The following MATK variants were observed in gnomAD, a reference collection of about 807,000 sequenced individuals.
The protein encoded by MATK is megakaryocyte-associated tyrosine-protein kinase.
Under a neutral mutation model 59.8 loss-of-function variants are expected in MATK, and 41 were observed. That is an observed-to-expected ratio of 0.69 (90% CI 0.53 to 0.89). MATK has a LOEUF of 0.89. MATK is among the 40% of genes least tolerant of loss of function. MATK has a pLI of 0.00. For synonymous variants in MATK, 308 were observed against 306.1 expected, an observed-to-expected ratio of 1.01 and a Z score of -0.06; for missense variants, 593 against 719.6, an observed-to-expected ratio of 0.82 and a Z score of 2.01.
At position 3,784,182 on chromosome 19, in the gene MATK, C is replaced by G. The variant is rs2037444496; in HGVS notation, c.304G>C (p.Ala102Pro). 1.2e-6 allele frequency: 2 copies of G among 1,613,468 alleles called. No homozygotes were observed. Among genetic ancestry groups the G allele is most frequent in the Middle Eastern group, 1.6e-4 (1 of 6,082 alleles). ...HTSGQEGLLA[A>P]GALREREALS... is the part of the protein sequence containing the mutation. The stretch of plus-strand genomic sequence containing the variant: ...GCCTCCCGCTCCCGCAGCGCCCCAG[C>G]TGCCAGCAGCCCCTCCTGTCCACTG... Residue 102 changes from alanine (A) to proline (P), a missense_variant, in exon 5 of 14, where the codon GCT becomes CCT. Coordinates refer to ENST00000310132, the MANE Select transcript of MATK (RefSeq NM_139355.3).
intron 1 of MATK, among the ~76,000 whole-genome samples, chr19:3,797,225 T>C (rs2037603444): frequency 1.6e-5 from 2 of 121,558 alleles, no homozygotes; most frequent in African/African-American, 2.7e-5. Context: ...TTTTCTTGCC[T>C]ACCTTCCCCC....
rs1005970819 is a variant in MATK at position 3,779,295 on chromosome 19, C to T, written c.1001+83G>A. ...ACAAGCTCACAAAGCCTCCCTGCCC[C>T]GTGCCTCAGTTTCCCCTTGATGGAT... On this transcript the variant is annotated intron_variant, in intron 11 of 13. Transcript: ENST00000310132. The T allele has an allele frequency of 8.3e-6, 13 of 1,574,800 alleles. No homozygotes were observed. In the African/African-American group the frequency reaches 1.2e-4, roughly 15 times the overall value.
rs1427473252 is a variant in MATK, at chr19:3,783,795, G to T, written c.582+19C>A. On this transcript the variant is annotated intron_variant, in intron 6 of 13. Coordinates refer to ENST00000310132, the MANE Select transcript of MATK (RefSeq NM_139355.3). The stretch of plus-strand genomic sequence containing the variant: ...CTGCCCCACTGCAGGGACGGGGTGG[G>T]GCCTCTGGGTGGCAGCACCTCCACC... 1.2e-6 allele frequency: 2 copies of T among 1,604,958 alleles called. No homozygotes were observed.
At chr19:3,783,027 G>T in intron 7 of MATK, 99 bp downstream of exon 7, 1 of 1,058,200 alleles carries the variant, frequency 9.5e-7, no homozygotes, top group Non-Finnish European at 1.4e-6. Flanking sequence ...GACAGGCTTG[G>T]GTGATCTGGC....
At chr19:3,782,947 A>T (rs2037421273) in intron 7 of MATK, 179 bp downstream of exon 7, 1 of 596,904 alleles carries the variant, frequency 1.7e-6, no homozygotes. Flanking sequence ...CCTATTGAAT[A>T]AAGGACTGAT....
chr19:3,783,405 T>TG (rs1279046111), intron 6 of MATK, 186 bp from the exon 7 acceptor site: 3 of 608,830 alleles, frequency 4.9e-6, no homozygotes, highest in Non-Finnish European at 5.8e-6. Context: ...GGTATCAACT[T>TG]GGGGGGTCCT....
intron 1 of MATK, among the ~76,000 whole-genome samples, chr19:3,794,248 G>A (rs550413242): frequency 2.0e-5 from 3 of 152,228 alleles, no homozygotes; most frequent in Non-Finnish European, 4.4e-5. Flanking sequence ...TGCTTCCCAC[G>A]ACAGAATATA....
chr19:3,796,237 T>C (rs1364006079), intron 1 of MATK, among the ~76,000 whole-genome samples: 3 of 152,172 alleles, frequency 2.0e-5, no homozygotes, highest in African/African-American at 7.2e-5. Flanking sequence ...ATAGGGTGTT[T>C]TACTGTGTGC....
chr19:3,779,175 C>A lies in MATK; in HGVS notation c.1014G>T (p.Glu338Asp), dbSNP rs767064322. The change falls in exon 12 of 14, where the codon GAG becomes GAT. Residue 338 changes from glutamate to aspartate, a missense_variant. Transcript: ENST00000310132. ...TCTTGCTCTCCAGGTACTCCATGCC[C>A]TCGGCCACGTGCCTGGGGGTAGTAG... is the stretch of plus-strand genomic sequence containing the variant. ...QLLQFSLHVA[E>D]GMEYLESKKL... 5.0e-6 allele frequency: 8 copies of A among 1,591,434 alleles called. No homozygotes were observed. Among genetic ancestry groups the A allele is most frequent in the Non-Finnish European group, 5.1e-6 (6 of 1,168,114 alleles).
rs1452388596 is a variant in MATK at position 3,784,912 on chromosome 19, A to T, written c.73-28T>A. ...GGGGAGGGGACAGAGTCCAGGTGGG[A>T]GCTGGGCTGGGACCCACGGTCCAGT... On this transcript the variant is annotated intron_variant, in intron 2 of 13. Coordinates refer to ENST00000310132, the MANE Select transcript of MATK (RefSeq NM_139355.3). 7.4e-6 allele frequency: 11 copies of T among 1,483,604 alleles called. No homozygotes were observed. In the East Asian group the frequency reaches 2.2e-4, roughly 30 times the overall value. The allele number at this position is 1,483,604 out of a possible 1,614,324, so 91.9% of individuals were successfully genotyped here. A position where few individuals can be genotyped will look rare whatever the true frequency, so the allele number is the denominator to read the frequency against.
At chr19:3,793,574 T>C (rs902952993) in intron 1 of MATK, among the ~76,000 whole-genome samples, 75 of 152,078 alleles carry the variant, frequency 4.9e-4, no homozygotes, top group South Asian at 4.1e-4. Flanking sequence ...TGGTGGCGGG[T>C]GCCTGTAGTC....
chr19:3,782,876 G>A (rs12979915), intron 7 of MATK: 3 of 513,924 alleles, frequency 5.8e-6, no homozygotes, highest in East Asian at 6.9e-5. Context: ...GTGGAGGTTC[G>A]GGGCCAGGTT....
chr19:3,791,792 A>G (rs1156438611), intron 1 of MATK, among the ~76,000 whole-genome samples: 1 of 152,036 alleles, frequency 6.6e-6, no homozygotes, highest in Non-Finnish European at 1.5e-5. Context: ...GATCACTGAG[A>G]CCAGTCTTCT....
rs1448818814 is a variant in MATK, at chr19:3,784,389, C to T, written c.195G>A (p.Gly65=). 6.2e-7 allele frequency: 1 copy of T among 1,609,420 alleles called. No individual in the cohort carries two copies. Among genetic ancestry groups the T allele is most frequent in the South Asian group, 1.1e-5 (1 of 90,716 alleles). Reference sequence around the variant, plus strand: ...CGTCGCCCTTGCGGAAGGCCAGCTCCCCTGGCTTGGGGCGGGTGTGCTCGC... The same window carrying T: ...CGTCGCCCTTGCGGAAGGCCAGCTCTCCTGGCTTGGGGCGGGTGTGCTCGC... The part of the protein sequence containing the change: ...TKCEHTRPKP[G]ELAFRKGDVV... The change falls in exon 4 of 14, where the codon GGG becomes GGA. Residue 65 remains glycine (G), a synonymous_variant. Coordinates refer to ENST00000310132, the MANE Select transcript of MATK (RefSeq NM_139355.3).
At chr19:3,797,015 C>G (rs1383911848) in intron 1 of MATK, among the ~76,000 whole-genome samples, 1 of 152,084 alleles carries the variant, frequency 6.6e-6, no homozygotes, top group African/African-American at 2.4e-5. Flanking sequence ...TCCCTACATC[C>G]TGCACTTTCA....
At chr19:3,786,986 G>GGGGGCCCCACCCGCTTTC (rs1599203075), upstream of MATK, among the ~76,000 whole-genome samples, 1 of 152,034 alleles carries the variant, frequency 6.6e-6, no homozygotes, top group Non-Finnish European at 1.5e-5. This position sits in a 1 kb window ranked among gnomAD's most constrained non-coding sequence, Gnocchi z 4.1. Flanking sequence ...TATGGAGGGT[G>GGGGGCCCCACCCGCTTTC]GGGGCCCCAC....
At chr19:3,791,355 T>A (rs1400427695), upstream of MATK, among the ~76,000 whole-genome samples, 1 of 151,512 alleles carries the variant, frequency 6.6e-6, no homozygotes, top group East Asian at 1.9e-4. Flanking sequence ...CCCCCACTTT[T>A]TTTTTTTTGA....
At chr19:3,783,657 G>A (rs940785185) in intron 6 of MATK, among the ~76,000 whole-genome samples, 157 bp downstream of exon 6, 10 of 152,046 alleles carry the variant, frequency 6.6e-5, no homozygotes, top group African/African-American at 2.4e-4. Context: ...AGGGGGTCCC[G>A]GGTGATCAGC....
In MATK at chr19:3,783,141, C is replaced by A. The variant is rs765853332; in HGVS notation, c.661G>T (p.Glu221Ter). ...CGTCCCCTACCCCTGGCCAGCTCCT[C>A]CTCGGCCGACTTGGTCCCGTGTTTC... is the stretch of plus-strand genomic sequence containing the variant. ...KRKHGTKSAE[E>*]ELARAGWLLN... The change falls in exon 7 of 14, where the codon GAG becomes TAG. Residue 221 changes from glutamate to a stop codon, truncating the protein, a stop_gained. Coordinates refer to ENST00000310132, the MANE Select transcript of MATK (RefSeq NM_139355.3). LOFTEE classifies it high-confidence loss of function. 1 of 1,613,954 alleles carries A rather than the reference C, an allele frequency of 6.2e-7. No individual in the cohort carries two copies. The highest frequency in any genetic ancestry group is 1.3e-5 in the African/African-American group (1 of 74,940).
Sources: gnomAD v4.1 joint callset for allele counts (sites outside exome capture counted in the v4.1 genomes callset) on GRCh38, gnomAD v4.1.1 for gene constraint, Gnocchi (gnomAD v3.1) non-coding constraint, MANE v1.5 for transcripts, NCBI Gene and HGNC (gene_info 2026-07-23, HGNC 2026-07-21) for gene names.